LIMCH1: variants seen among roughly 807,000 people sequenced by gnomAD.
LIMCH1 encodes LIM and calponin homology domains-containing protein 1.
In LIMCH1, 113 loss-of-function variants were observed where a neutral mutation model predicts 176.5. The observed-to-expected ratio is 0.64, with a 90% CI of 0.55 to 0.75. The LOEUF is 0.75. Ranked by LOEUF, LIMCH1 falls within the 30% of genes least tolerant of loss-of-function variation. The pLI is 0.00. For missense variants in LIMCH1, 1,674 were observed against 1,814.9 expected (o/e 0.92, Z 1.41); for synonymous variants, 619 against 645.9 (o/e 0.96, Z 0.63).
chr4:41,578,036 C>T (rs747714194), intron 1 of LIMCH1, among the ~76,000 whole-genome samples: 4 of 152,140 alleles, frequency 2.6e-5, no homozygotes, highest in Non-Finnish European at 5.9e-5. Context: ...CTGAATCCAA[C>T]AAATGCCAAA....
chr4:41,675,234 G>A (rs1039108195), intron 22 of LIMCH1, among the ~76,000 whole-genome samples: 1 of 152,108 alleles, frequency 6.6e-6, no homozygotes, highest in African/African-American at 2.4e-5. Context: ...ATACTTCCCT[G>A]GGCCAGCCCA....
intron 2 of LIMCH1, among the ~76,000 whole-genome samples, chr4:41,510,775 G>C (rs1261038007): frequency 6.6e-6 from 1 of 152,144 alleles, no homozygotes; most frequent in East Asian, 1.9e-4. Flanking sequence ...TTTTAGTAGA[G>C]ACGGAGTTTC....
At chr4:41,425,935 T>C (rs1415149732) in intron 1 of LIMCH1, among the ~76,000 whole-genome samples, 1 of 152,062 alleles carries the variant, frequency 6.6e-6, no homozygotes, top group Non-Finnish European at 1.5e-5. Flanking sequence ...GCTGCTGTTT[T>C]AAGGAACATT....
intron 1 of LIMCH1, among the ~76,000 whole-genome samples, chr4:41,464,720 A>G (rs2065877931): frequency 6.6e-6 from 1 of 151,986 alleles, no homozygotes; most frequent in Non-Finnish European, 1.5e-5. Context: ...TAACCTCCCC[A>G]GCATTGTCTG....
intron 1 of LIMCH1, among the ~76,000 whole-genome samples, chr4:41,469,803 T>A (rs957567029): frequency 6.6e-6 from 1 of 152,004 alleles, no homozygotes; most frequent in Non-Finnish European, 1.5e-5. Flanking sequence ...TGCCTCAGCC[T>A]CCCGAGTAGC....
At chr4:41,635,113 G>A (rs2093513905) in intron 13 of LIMCH1, among the ~76,000 whole-genome samples, 1 of 152,170 alleles carries the variant, frequency 6.6e-6, no homozygotes, top group South Asian at 2.1e-4. Context: ...GTACACAGCT[G>A]GTACCTACAG....
At position 41,493,399 on chromosome 4, in the gene LIMCH1, G is replaced by A. The variant is rs59875756; in HGVS notation, c.97-1137G>A. 3.9e-3 allele frequency among the ~76,000 whole-genome samples: 584 copies of A among 150,358 alleles called. 3 individuals carry two copies. The highest frequency in any genetic ancestry group is 0.013 in the African/African-American group (536 of 40,880). ...GGGTTTATAGTCAAGTCAGGCTTCC[G>A]TATCCATGAGTTCTACATTTGTGGG... On this transcript the variant is annotated intron_variant, in intron 1 of 26. Transcript: ENST00000313860.
At chr4:41,540,224 G>C (rs530502789) in intron 1 of LIMCH1, among the ~76,000 whole-genome samples, 11 of 152,226 alleles carry the variant, frequency 7.2e-5, no homozygotes, top group African/African-American at 2.4e-4. Flanking sequence ...AAAGAGTCTA[G>C]ATTTTTTTTT....
intron 1 of LIMCH1, among the ~76,000 whole-genome samples, chr4:41,460,582 AT>A (rs1460452328): frequency 1.4e-4 from 21 of 151,320 alleles, no homozygotes; most frequent in African/African-American, 4.9e-4. Flanking sequence ...TATACGATTG[AT>A]TCTCAGTGCT....
At chr4:41,510,659 G>T (rs1490048834) in intron 2 of LIMCH1, among the ~76,000 whole-genome samples, 1 of 152,082 alleles carries the variant, frequency 6.6e-6, no homozygotes, top group Non-Finnish European at 1.5e-5. Flanking sequence ...CACGATCTCG[G>T]CTTGCTGCAA....
At chr4:41,670,799 T>A in intron 21 of LIMCH1, 1 of 1,535,890 alleles carries the variant, frequency 6.5e-7, no homozygotes, top group Non-Finnish European at 8.7e-7. Flanking sequence ...TCAGGTAAAC[T>A]GCATACTGGG....
rs1272032618 is a variant in LIMCH1, at chr4:41,457,177, G to A, written c.97-37359G>A. On this transcript the variant is annotated intron_variant, in intron 1 of 26. Coordinates refer to the LIMCH1 transcript ENST00000313860. The stretch of plus-strand genomic sequence containing the variant: ...GATACATAGCTCTCAATTTAGACAA[G>A]TTTTCTGAAATATATACCTTAATTT... Among the ~76,000 whole-genome samples the A allele has an allele frequency of 2.0e-5, 3 of 152,146 alleles. No homozygotes were observed. The East Asian group carries it at 5.8e-4, about 29-fold the overall frequency.
At position 41,629,697 on chromosome 4, in the gene LIMCH1, G is replaced by T; in HGVS notation, c.1234G>T (p.Glu412Ter). The T allele has an allele frequency of 6.5e-7, 1 of 1,536,090 alleles. No homozygotes were observed. The highest frequency in any genetic ancestry group is 8.7e-7 in the Non-Finnish European group (1 of 1,146,884). ...CTCCAACATAACAGAAGCTGACTTG[G>T]AGACGTGGGAGAGACTCAAAGTGTC... ...TLSNITEADL[E>*]TWERLKVSEK... Residue 412 changes from glutamate (E) to a stop codon, truncating the protein, a stop_gained, in exon 9 of 32, where the codon GAG becomes TAG. Transcript: ENST00000503057. LOFTEE classifies it high-confidence loss of function.
At chr4:41,668,819 T>C (rs1361102826) in intron 21 of LIMCH1, among the ~76,000 whole-genome samples, 1 of 152,160 alleles carries the variant, frequency 6.6e-6, no homozygotes, top group Non-Finnish European at 1.5e-5. Flanking sequence ...TGGTGGAAGA[T>C]GAAGGAAGAG....
intron 1 of LIMCH1, among the ~76,000 whole-genome samples, chr4:41,427,135 C>T (rs2061182268): frequency 6.6e-6 from 1 of 152,180 alleles, no homozygotes; most frequent in African/African-American, 2.4e-5. Flanking sequence ...AGTTATTTTA[C>T]ATATAAACAT....
In LIMCH1 at chr4:41,504,547, C is replaced by A. The variant is rs538110433; in HGVS notation, c.167+9941C>A. Among the ~76,000 whole-genome samples, 8 of 152,372 alleles carry A rather than the reference C, an allele frequency of 5.3e-5. No homozygotes were observed. In the East Asian group the frequency reaches 1.5e-3, roughly 29 times the overall value. ...TCCCACTCGTGGGAGCAACCCCATA[C>A]TCACCTTCAGATTCCCAAATGCTCC... On this transcript the variant is annotated intron_variant, in intron 2 of 26. Coordinates refer to the LIMCH1 transcript ENST00000313860.
chr4:41,616,577 G>T (rs1441667988), intron 5 of LIMCH1, among the ~76,000 whole-genome samples: 1 of 151,888 alleles, frequency 6.6e-6, no homozygotes, highest in East Asian at 1.9e-4. Flanking sequence ...ATCATCACAT[G>T]CTAGATTACA....
intron 29 of LIMCH1, among the ~76,000 whole-genome samples, chr4:41,689,234 A>G (rs1723395298): frequency 6.6e-6 from 1 of 152,228 alleles, no homozygotes; most frequent in African/African-American, 2.4e-5. Flanking sequence ...ATGTTGAGGC[A>G]TTTGAATAGA....
At chr4:41,659,106 T>C (rs928396131) in intron 18 of LIMCH1, among the ~76,000 whole-genome samples, 1 of 152,186 alleles carries the variant, frequency 6.6e-6, no homozygotes, top group African/African-American at 2.4e-5. Flanking sequence ...CCTACTACCA[T>C]GTTGGAGGTT....
Sources: gnomAD v4.1 joint callset for allele counts (sites outside exome capture counted in the v4.1 genomes callset) on GRCh38, gnomAD v4.1.1 for gene constraint, MANE v1.5 for transcripts, NCBI Gene and HGNC (gene_info 2026-07-23, HGNC 2026-07-21) for gene names.